Variants in GRIN2B observed in about 807,000 individuals in gnomAD.
GRIN2B encodes glutamate ionotropic receptor NMDA type subunit 2B.
A neutral mutation model predicts 114.5 loss-of-function variants in GRIN2B; 5 were observed. The observed-to-expected ratio is 0.04, with a 90% CI of 0.02 to 0.09. GRIN2B has a LOEUF of 0.09. Ranked by LOEUF, GRIN2B falls within the 10% of genes least tolerant of loss-of-function variation. The probability of loss-of-function intolerance (pLI) is 1.00; values close to 1 mark genes in which losing one functional copy is unlikely to be tolerated. For missense variants in GRIN2B, 1,108 were observed against 1,943.5 expected, an observed-to-expected ratio of 0.57 and a Z score of 8.08; for synonymous variants, 787 against 745.1, an observed-to-expected ratio of 1.06 and a Z score of -0.92.
At chr12:13,840,608 A>G (rs1865361038) in intron 3 of GRIN2B, among the ~76,000 whole-genome samples, 1 of 152,234 alleles carries the variant, frequency 6.6e-6, no homozygotes, top group Non-Finnish European at 1.5e-5. Flanking sequence ...ATATAATGCA[A>G]TTAAATAATA....
intron 5 of GRIN2B, among the ~76,000 whole-genome samples, chr12:13,658,398 C>A (rs1024055824): frequency 6.6e-6 from 1 of 151,904 alleles, no homozygotes; most frequent in Non-Finnish European, 1.5e-5. Flanking sequence ...ACATCAGACA[C>A]AAATAACAAA....
At chr12:13,628,092 C>T (rs1339293348) in intron 5 of GRIN2B, among the ~76,000 whole-genome samples, 2 of 152,166 alleles carry the variant, frequency 1.3e-5, no homozygotes, top group East Asian at 3.8e-4. Context: ...CCATAAGGCA[C>T]ATAAAATGCA....
intron 10 of GRIN2B, among the ~76,000 whole-genome samples, chr12:13,579,440 T>A (rs1948817424): frequency 6.6e-6 from 1 of 152,208 alleles, no homozygotes; most frequent in Non-Finnish European, 1.5e-5. Context: ...TTTCTACATT[T>A]GTACAATGGG....
At chr12:13,676,822 C>A (rs772987166) in intron 4 of GRIN2B, among the ~76,000 whole-genome samples, 2 of 152,102 alleles carry the variant, frequency 1.3e-5, no homozygotes, top group Non-Finnish European at 2.9e-5. Flanking sequence ...ATCTGGAAAT[C>A]AGGGCTATTA....
At chr12:13,665,254 C>A (rs994073931) in intron 5 of GRIN2B, among the ~76,000 whole-genome samples, 1 of 151,710 alleles carries the variant, frequency 6.6e-6, no homozygotes, top group Non-Finnish European at 1.5e-5. Flanking sequence ...ATCTTTCTTT[C>A]CCTCTCTCCT....
chr12:13,901,760 C>G (rs1866457222), intron 2 of GRIN2B, among the ~76,000 whole-genome samples: 1 of 152,028 alleles, frequency 6.6e-6, no homozygotes. Context: ...TCAATCTCAT[C>G]TTTTATTTTT....
chr12:13,765,314 T>C (rs11055609), intron 3 of GRIN2B, among the ~76,000 whole-genome samples: 13,232 of 152,236 alleles, frequency 0.087, 689 homozygotes, highest in East Asian at 0.2. Context: ...GAGGTGAAAC[T>C]AGATTATTTT....
rs961121983 is a variant in GRIN2B at position 13,538,698 on chromosome 12, C to T, written c.*24085G>A. On this transcript the variant is annotated 3_prime_UTR_variant, in exon 14 of 14. Transcript: ENST00000609686. ...GTGTGGTGGTATGCACCAGTAGTAC[C>T]CAGCTACACAGGAGGCGGAGGTGGT... The T allele has an allele frequency of 5.3e-5, 8 of 151,958 alleles. No individual in the cohort carries two copies. Among genetic ancestry groups the T allele is most frequent in the Admixed American group, 3.3e-4 (5 of 15,240 alleles). The allele number at this position is 151,958 out of a possible 1,614,324, so 9.4% of individuals were successfully genotyped here.
In GRIN2B at chr12:13,562,295, G is replaced by A. The variant is rs1948555419; in HGVS notation, c.*488C>T. 1 of 163,218 alleles carries A rather than the reference G, an allele frequency of 6.1e-6. No homozygotes were observed. The allele number at this position is 163,218 out of a possible 1,614,324, so 10.1% of individuals were successfully genotyped here. A position where few individuals can be genotyped will look rare whatever the true frequency, so the allele number is the denominator to read the frequency against. On this transcript the variant is annotated 3_prime_UTR_variant, in exon 14 of 14. Coordinates refer to ENST00000609686, the MANE Select transcript of GRIN2B (RefSeq NM_000834.5). ...CATCTAAGCAGCATGAATTTAGCCA[G>A]AGCCTCTTTCCTTTCACAAGCAGTG...
chr12:13,587,832 A>G (rs1485180623), intron 10 of GRIN2B, among the ~76,000 whole-genome samples: 4 of 152,222 alleles, frequency 2.6e-5, no homozygotes, highest in African/African-American at 9.6e-5. Flanking sequence ...TTGATTTGTA[A>G]CAGATATTTG....
At chr12:13,798,261 A>C (rs1251133554) in intron 3 of GRIN2B, among the ~76,000 whole-genome samples, 1 of 151,982 alleles carries the variant, frequency 6.6e-6, no homozygotes, top group African/African-American at 2.4e-5. Flanking sequence ...TTGTAGAGTT[A>C]TGAAACAAGG....
Position 13,563,775 on chromosome 12 carries a change from A to G in GRIN2B, c.3463T>C (p.Tyr1155His), listed in dbSNP as rs2136404544. Residue 1155 changes from tyrosine (Y) to histidine (H), a missense_variant, in exon 14 of 14, where the codon TAC becomes CAC. By Grantham distance (83) the Tyr-to-His change is moderately conservative (BLOSUM62 2). Coordinates refer to ENST00000609686, the MANE Select transcript of GRIN2B (RefSeq NM_000834.5). ...HWEHVDLTDIYKERSDDFKRD... is the reference protein window; with the variant it reads ...HWEHVDLTDIHKERSDDFKRD... ...TTAAAGTCATCACTCCGCTCCTTGTAGATGTCGGTCAGGTCTACGTGCTCC... is the reference window on the plus strand; with the variant it reads ...TTAAAGTCATCACTCCGCTCCTTGTGGATGTCGGTCAGGTCTACGTGCTCC... The G allele has an allele frequency of 6.2e-7, 1 of 1,614,032 alleles. No individual in the cohort carries two copies. Among genetic ancestry groups the G allele is most frequent in the East Asian group, 2.2e-5 (1 of 44,850 alleles).
At chr12:13,825,115 T>C (rs1042055522) in intron 3 of GRIN2B, among the ~76,000 whole-genome samples, 1 of 152,070 alleles carries the variant, frequency 6.6e-6, no homozygotes, top group Non-Finnish European at 1.5e-5. Flanking sequence ...AATTTTACTA[T>C]GTTGTTGTTT....
chr12:13,649,290 A>G (rs1390023534), intron 5 of GRIN2B, among the ~76,000 whole-genome samples: 1 of 152,062 alleles, frequency 6.6e-6, no homozygotes, highest in African/African-American at 2.4e-5. Context: ...GCTCTTCTCT[A>G]CTGCCTTATT....
At chr12:13,980,894 A>ACG (rs145433203) in intron 1 of GRIN2B, among the ~76,000 whole-genome samples, 7,495 of 152,038 alleles carry the variant, frequency 0.049, 271 homozygotes, top group Non-Finnish European at 0.072. Context: ...GGGCACACTG[A>ACG]CGCGCGCACA....
chr12:13,714,276 C>A (rs1950437782), intron 4 of GRIN2B, among the ~76,000 whole-genome samples: 1 of 151,760 alleles, frequency 6.6e-6, no homozygotes, highest in South Asian at 2.1e-4. Flanking sequence ...TAAGTCTCAG[C>A]AAACAGGAGC....
chr12:13,803,501 C>T (rs1314843057), intron 3 of GRIN2B, among the ~76,000 whole-genome samples: 1 of 152,164 alleles, frequency 6.6e-6, no homozygotes, highest in Non-Finnish European at 1.5e-5. Flanking sequence ...AGTTCTAAAA[C>T]TCCTGTTCTC....
In GRIN2B at chr12:13,627,327, T is replaced by C. The variant is rs139513184; in HGVS notation, c.1126-10670A>G. Among the ~76,000 whole-genome samples, 318 of 152,286 alleles carry C rather than the reference T, an allele frequency of 2.1e-3. 1 individual carries two copies. The highest frequency in any genetic ancestry group is 7.0e-3 in the African/African-American group (293 of 41,566). ...TGCTTAAGCTGGTTCAAGTTGGGTG[T>C]CTATTCTTTATAATCAAAACAGTTC... On this transcript the variant is annotated intron_variant, in intron 5 of 13. Transcript: ENST00000609686.
intron 2 of GRIN2B, among the ~76,000 whole-genome samples, chr12:13,918,414 A>G (rs2136808942): frequency 6.6e-6 from 1 of 152,330 alleles, no homozygotes; most frequent in Middle Eastern, 3.4e-3. Context: ...CAAAAAAAGA[A>G]AAGGATACGG....
Sources: gnomAD v4.1 joint callset for allele counts (sites outside exome capture counted in the v4.1 genomes callset) on GRCh38, gnomAD v4.1.1 for gene constraint, MANE v1.5 for transcripts, NCBI Gene and HGNC (gene_info 2026-07-23, HGNC 2026-07-21) for gene names.